ST6GALNAC5: variants seen among roughly 807,000 people sequenced by gnomAD.
ST6GALNAC5 encodes alpha-N-acetylgalactosaminide alpha-2,6-sialyltransferase 5.
A neutral mutation model predicts 33.6 loss-of-function variants in ST6GALNAC5; 27 were observed. The ratio of observed to expected loss-of-function variants is 0.80; its 90% CI spans 0.59 to 1.11. The LOEUF is 1.11. ST6GALNAC5 is among the 50% of genes least tolerant of loss of function. The probability of loss-of-function intolerance (pLI) is 0.00; values close to 1 mark genes in which losing one functional copy is unlikely to be tolerated. For synonymous variants in ST6GALNAC5, 194 were observed against 171.2 expected (o/e 1.13, Z -1.04); for missense variants, 428 against 454.0 (o/e 0.94, Z 0.52).
chr1:76,981,481 C>G (rs1248016731), intron 2 of ST6GALNAC5, among the ~76,000 whole-genome samples: 1 of 152,204 alleles, frequency 6.6e-6, no homozygotes, highest in Non-Finnish European at 1.5e-5. Context: ...AACAAAGCAG[C>G]CTGGAAGCTC....
chr1:76,968,882 T>G (rs1264200922), intron 2 of ST6GALNAC5, among the ~76,000 whole-genome samples: 1 of 152,216 alleles, frequency 6.6e-6, no homozygotes, highest in East Asian at 1.9e-4. Context: ...GAAAATTCTT[T>G]TCTTTAAGAA....
chr1:77,046,100 C>A (rs867388677), intron 3 of ST6GALNAC5, among the ~76,000 whole-genome samples: 57 of 152,166 alleles, frequency 3.7e-4, no homozygotes, highest in Non-Finnish European at 1.5e-4. Context: ...AAAACTGTTA[C>A]TGAGTCAATT....
chr1:76,927,646 A>C (rs1647098814), intron 2 of ST6GALNAC5, among the ~76,000 whole-genome samples: 1 of 152,144 alleles, frequency 6.6e-6, no homozygotes, highest in South Asian at 2.1e-4. Flanking sequence ...TATAATTTTA[A>C]TTAAGCCTCT....
chr1:76,910,910 G>T (rs1646905322), intron 2 of ST6GALNAC5, among the ~76,000 whole-genome samples: 1 of 151,564 alleles, frequency 6.6e-6, no homozygotes, highest in Non-Finnish European at 1.5e-5. Flanking sequence ...TTCAAGTTCA[G>T]CACCCACTGC....
At chr1:76,938,668 A>G (rs572717040) in intron 2 of ST6GALNAC5, among the ~76,000 whole-genome samples, 2 of 152,212 alleles carry the variant, frequency 1.3e-5, no homozygotes, top group East Asian at 3.9e-4. Flanking sequence ...TTGTAAAGCT[A>G]TCTCTACTGT....
At chr1:76,897,962 T>C (rs929265389) in intron 2 of ST6GALNAC5, among the ~76,000 whole-genome samples, 3 of 152,212 alleles carry the variant, frequency 2.0e-5, no homozygotes, top group Non-Finnish European at 2.9e-5. Flanking sequence ...TACTTTCCAC[T>C]GTGAGAGTTA....
At position 76,925,683 on chromosome 1, in the gene ST6GALNAC5, T is replaced by C. The variant is rs538675724; in HGVS notation, c.261+56941T>C. On this transcript the variant is annotated intron_variant, in intron 2 of 4. Transcript: ENST00000477717. ...TGGATGATAATGTTTTAAATATATATATATACAAATAAAAACCGAGATTCT... is the reference window on the plus strand; with the variant it reads ...TGGATGATAATGTTTTAAATATATACATATACAAATAAAAACCGAGATTCT... Among the ~76,000 whole-genome samples the C allele has an allele frequency of 3.9e-5, 6 of 152,194 alleles. No homozygotes were observed. In the East Asian group the frequency reaches 1.2e-3, roughly 29 times the overall value.
At chr1:77,017,850 A>G (rs1395398685) in intron 2 of ST6GALNAC5, among the ~76,000 whole-genome samples, 1 of 152,220 alleles carries the variant, frequency 6.6e-6, no homozygotes, top group Non-Finnish European at 1.5e-5. Flanking sequence ...ATGTAAAGAG[A>G]CATAATATAG....
Position 77,067,484 on chromosome 1 carries a change from A to C in ST6GALNAC5, c.*4278A>C, listed in dbSNP as rs908375900. 6.6e-6 allele frequency among the ~76,000 whole-genome samples: 1 copy of C among 152,178 alleles called. No individual in the cohort carries two copies. The highest frequency in any genetic ancestry group is 1.5e-5 in the Non-Finnish European group (1 of 68,036). The stretch of plus-strand genomic sequence containing the variant: ...TCCTTTGTCTCTGCAGCCTATACCT[A>C]GTATAGTGCCTTGCACACAATAGGT... On this transcript the variant is annotated 3_prime_UTR_variant, in exon 5 of 5. Transcript: ENST00000477717.
chr1:76,875,794 C>A lies in ST6GALNAC5; in HGVS notation c.261+7052C>A, dbSNP rs539143193. On this transcript the variant is annotated intron_variant, in intron 2 of 4. Coordinates refer to ENST00000477717, the MANE Select transcript of ST6GALNAC5 (RefSeq NM_030965.3). ...TGGACACTGATGCAGAGCATACATC[C>A]CTGCCACCATGGCCTTCTGGAGAAC... Among the ~76,000 whole-genome samples the A allele has an allele frequency of 4.7e-4, 71 of 152,116 alleles. 1 individual carries two copies. Among genetic ancestry groups the A allele is most frequent in the Admixed American group, 1.3e-3 (20 of 15,268 alleles).
chr1:76,986,105 T>A (rs1649483458), intron 2 of ST6GALNAC5, among the ~76,000 whole-genome samples: 1 of 152,160 alleles, frequency 6.6e-6, no homozygotes, highest in Non-Finnish European at 1.5e-5. Context: ...GGGCAAGGAC[T>A]TCATGACTAA....
At chr1:76,968,379 G>C (rs890974746) in intron 2 of ST6GALNAC5, among the ~76,000 whole-genome samples, 4 of 152,106 alleles carry the variant, frequency 2.6e-5, no homozygotes, top group Non-Finnish European at 5.9e-5. Flanking sequence ...TTTAAAGTCT[G>C]TTTTATCAGA....
intron 2 of ST6GALNAC5, among the ~76,000 whole-genome samples, chr1:76,872,771 A>G (rs974125689): frequency 6.6e-6 from 1 of 152,186 alleles, no homozygotes; most frequent in East Asian, 1.9e-4. Context: ...TAATCATTTG[A>G]ATCTCAAGGA....
In ST6GALNAC5 at chr1:77,067,472, C is replaced by A. The variant is rs1408724503; in HGVS notation, c.*4266C>A. ...AGAGACTCTTTCTCCTTTGTCTCTGCAGCCTATACCTAGTATAGTGCCTTG... is the reference window on the plus strand; with the variant it reads ...AGAGACTCTTTCTCCTTTGTCTCTGAAGCCTATACCTAGTATAGTGCCTTG... On this transcript the variant is annotated 3_prime_UTR_variant, in exon 5 of 5. Coordinates refer to ENST00000477717, the MANE Select transcript of ST6GALNAC5 (RefSeq NM_030965.3). Among the ~76,000 whole-genome samples the A allele has an allele frequency of 6.6e-6, 1 of 152,206 alleles. No individual in the cohort carries two copies. The highest frequency in any genetic ancestry group is 1.5e-5 in the Non-Finnish European group (1 of 68,042).
intron 2 of ST6GALNAC5, among the ~76,000 whole-genome samples, chr1:76,997,408 G>T (rs1173179583): frequency 6.6e-6 from 1 of 152,174 alleles, no homozygotes; most frequent in African/African-American, 2.4e-5. Flanking sequence ...TGGCAACAAT[G>T]AATGAGCCTA....
chr1:77,003,829 T>A (rs997581312), intron 2 of ST6GALNAC5, among the ~76,000 whole-genome samples: 2 of 149,204 alleles, frequency 1.3e-5, no homozygotes, highest in Non-Finnish European at 3.0e-5. Context: ...CCCCACTCTC[T>A]TCTGGCTTGT....
intron 2 of ST6GALNAC5, among the ~76,000 whole-genome samples, chr1:76,931,424 C>T (rs916894635): frequency 3.9e-5 from 6 of 152,088 alleles, no homozygotes; most frequent in African/African-American, 1.4e-4. Context: ...AACTAATACA[C>T]TGGCATTTTT....
At chr1:77,031,010 T>G (rs1651431224) in intron 2 of ST6GALNAC5, among the ~76,000 whole-genome samples, 1 of 152,212 alleles carries the variant, frequency 6.6e-6, no homozygotes, top group South Asian at 2.1e-4. Context: ...CTTAATAACT[T>G]GCATTGTGCA....
In ST6GALNAC5 at chr1:76,960,473, C is replaced by T. The variant is rs536681371; in HGVS notation, c.262-83731C>T. The stretch of plus-strand genomic sequence containing the variant: ...AAAATTGCTAATGAAGTTTTGGGCA[C>T]GCATTGTCATTGATAACATCTTATC... On this transcript the variant is annotated intron_variant, in intron 2 of 4. Transcript: ENST00000477717. Among the ~76,000 whole-genome samples, 36 of 152,252 alleles carry T rather than the reference C, an allele frequency of 2.4e-4. No individual in the cohort carries two copies. The South Asian group carries it at 4.8e-3, about 20-fold the overall frequency.
Sources: gnomAD v4.1 joint callset for allele counts (sites outside exome capture counted in the v4.1 genomes callset) on GRCh38, gnomAD v4.1.1 for gene constraint, MANE v1.5 for transcripts, NCBI Gene and HGNC (gene_info 2026-07-23, HGNC 2026-07-21) for gene names.